The following LIMCH1 variants were observed in gnomAD, a reference collection of about 807,000 sequenced individuals.
The protein encoded by LIMCH1 is LIM and calponin homology domains-containing protein 1.
LIMCH1 carries 113 observed loss-of-function variants against 176.5 expected under a neutral mutation model. The observed-to-expected ratio is 0.64, with a 90% CI of 0.55 to 0.75. The LOEUF is 0.75. Among genes scored for constraint, LIMCH1 ranks in the 30% least tolerant of loss-of-function variants. LIMCH1 has a pLI of 0.00. For synonymous variants in LIMCH1, 619 were observed against 645.9 expected (o/e 0.96, Z 0.63); for missense variants, 1,674 against 1,814.9 (o/e 0.92, Z 1.41).
intron 1 of LIMCH1, among the ~76,000 whole-genome samples, chr4:41,420,500 G>C (rs1255747104): frequency 6.6e-6 from 1 of 152,186 alleles, no homozygotes; most frequent in Non-Finnish European, 1.5e-5. Context: ...TACCAGTGGG[G>C]TTAATTATGT....
chr4:41,537,717 T>C (rs551751047), upstream of LIMCH1, among the ~76,000 whole-genome samples: 3 of 152,348 alleles, frequency 2.0e-5, no homozygotes, highest in Non-Finnish European at 2.9e-5. Context: ...ATATGATGGA[T>C]GGTACACAGG....
intron 1 of LIMCH1, among the ~76,000 whole-genome samples, chr4:41,410,312 T>C (rs2059366917): frequency 2.0e-5 from 3 of 152,228 alleles, no homozygotes; most frequent in African/African-American, 4.8e-5. Flanking sequence ...TTACACAATA[T>C]TGGATTCTGC....
chr4:41,602,948 C>T (rs2090181107), intron 2 of LIMCH1, among the ~76,000 whole-genome samples: 1 of 151,960 alleles, frequency 6.6e-6, no homozygotes, highest in South Asian at 2.1e-4. Flanking sequence ...AATCTATGTC[C>T]TTGTTGATGG....
chr4:41,465,115 C>T (rs532068768), intron 1 of LIMCH1, among the ~76,000 whole-genome samples: 8 of 152,242 alleles, frequency 5.3e-5, no homozygotes, highest in East Asian at 3.9e-4. Flanking sequence ...CTAAACTGAG[C>T]GGGGAGGGAA....
intron 7 of LIMCH1, among the ~76,000 whole-genome samples, chr4:41,624,396 T>C (rs2092797142): frequency 6.6e-6 from 1 of 151,992 alleles, no homozygotes; most frequent in African/African-American, 2.4e-5. Context: ...AGACATGGAT[T>C]CCTCTACAGC....
At chr4:41,558,209 C>T (rs2081553260) in intron 1 of LIMCH1, among the ~76,000 whole-genome samples, 1 of 151,912 alleles carries the variant, frequency 6.6e-6, no homozygotes, top group South Asian at 2.1e-4. Flanking sequence ...GACCATTTCA[C>T]TCTTCTCTAA....
intron 1 of LIMCH1, among the ~76,000 whole-genome samples, chr4:41,406,688 C>T (rs552397383): frequency 1.3e-4 from 20 of 152,214 alleles, no homozygotes; most frequent in Non-Finnish European, 2.5e-4. Context: ...ATTACAGTGT[C>T]GCACTGTAAA....
At chr4:41,632,900 G>T (rs773879570) in intron 11 of LIMCH1, 33 bp downstream of exon 11, 1 of 1,532,300 alleles carries the variant, frequency 6.5e-7, no homozygotes, top group Admixed American at 2.0e-5. Context: ...TTCCCGGGAG[G>T]TGAAGGAGGA....
intron 25 of LIMCH1, 51 bp from the exon 26 acceptor site, chr4:41,682,282 T>C (rs191744687): frequency 1.4e-6 from 2 of 1,441,584 alleles, no homozygotes; most frequent in East Asian, 4.6e-5. Context: ...ATAAGGGTTA[T>C]ACAGTGTTTT....
intron 1 of LIMCH1, among the ~76,000 whole-genome samples, chr4:41,547,496 A>G (rs2079626764): frequency 6.9e-6 from 1 of 144,768 alleles, no homozygotes; most frequent in South Asian, 2.1e-4. Flanking sequence ...TCCCAGCCCA[A>G]GGTGACCTTG....
intron 3 of LIMCH1, among the ~76,000 whole-genome samples, chr4:41,530,018 A>G (rs2077084378): frequency 6.6e-6 from 1 of 152,214 alleles, no homozygotes; most frequent in Non-Finnish European, 1.5e-5. Context: ...GCTTCCTGCC[A>G]TGGAAAAAAA....
intron 2 of LIMCH1, among the ~76,000 whole-genome samples, chr4:41,513,983 G>A (rs1186451236): frequency 7.2e-5 from 8 of 111,502 alleles, no homozygotes; most frequent in African/African-American, 2.9e-4. Flanking sequence ...TCCAGCCTGG[G>A]TGATAGAGAG....
At chr4:41,625,938 T>A (rs964611963) in intron 7 of LIMCH1, among the ~76,000 whole-genome samples, 1 of 152,058 alleles carries the variant, frequency 6.6e-6, no homozygotes, top group Non-Finnish European at 1.5e-5. Flanking sequence ...AAGCAGAAGA[T>A]CTGCTCCCAA....
chr4:41,635,769 C>T (rs948636003), intron 13 of LIMCH1, among the ~76,000 whole-genome samples: 7 of 152,166 alleles, frequency 4.6e-5, no homozygotes, highest in Admixed American at 2.6e-4. Context: ...ACACTTTAAG[C>T]TAACGCTAGT....
At chr4:41,376,898 C>G (rs188802697) in intron 1 of LIMCH1, among the ~76,000 whole-genome samples, 22 of 152,168 alleles carry the variant, frequency 1.4e-4, no homozygotes, top group African/African-American at 5.1e-4. Flanking sequence ...TGCCCATATG[C>G]AGTACTTAGT....
At chr4:41,594,770 G>A (rs2088401395) in intron 1 of LIMCH1, among the ~76,000 whole-genome samples, 1 of 152,160 alleles carries the variant, frequency 6.6e-6, no homozygotes, top group South Asian at 2.1e-4. Flanking sequence ...AACACAGCAT[G>A]GTGTTCAAAG....
intron 1 of LIMCH1, among the ~76,000 whole-genome samples, chr4:41,546,150 T>A (rs908409438): frequency 6.6e-5 from 10 of 152,068 alleles, no homozygotes; most frequent in African/African-American, 2.4e-4. Flanking sequence ...GTTTTTTTTG[T>A]TTTTTTGAGA....
intron 1 of LIMCH1, among the ~76,000 whole-genome samples, chr4:41,474,227 G>A (rs1015926792): frequency 7.3e-5 from 11 of 151,118 alleles, no homozygotes; most frequent in African/African-American, 2.7e-4. Flanking sequence ...GGTGGCTCAC[G>A]CCTGTAATCC....
intron 1 of LIMCH1, among the ~76,000 whole-genome samples, chr4:41,427,748 T>C (rs966436890): frequency 3.3e-5 from 5 of 152,186 alleles, no homozygotes; most frequent in Admixed American, 1.3e-4. Context: ...AAGCCAGACT[T>C]AAGGTTATCT....
Sources: allele counts gnomAD v4.1 joint callset (sites outside exome capture counted in the v4.1 genomes callset), GRCh38; gene constraint gnomAD v4.1.1; transcripts MANE v1.5; gene names NCBI Gene and HGNC (gene_info 2026-07-23, HGNC 2026-07-21).